The following PLCL2 variants were observed in gnomAD, a reference collection of about 807,000 sequenced individuals.
PLCL2 encodes inactive phospholipase C-like protein 2.
A neutral mutation model predicts 79.6 loss-of-function variants in PLCL2; 4 were observed. That is an observed-to-expected ratio of 0.05 (90% CI 0.02 to 0.11). The LOEUF (loss-of-function observed/expected upper bound fraction) is 0.11. Ranked by LOEUF, PLCL2 falls within the 10% of genes least tolerant of loss-of-function variation. The probability of loss-of-function intolerance (pLI) is 1.00; values close to 1 mark genes in which losing one functional copy is unlikely to be tolerated. For missense variants in PLCL2, 895 were observed against 1,291.0 expected (o/e 0.69, Z 4.70); for synonymous variants, 484 against 457.7 (o/e 1.06, Z -0.73).
At chr3:16,962,601 T>C (rs941449743) in intron 1 of PLCL2, among the ~76,000 whole-genome samples, 4 of 152,182 alleles carry the variant, frequency 2.6e-5, no homozygotes, top group Non-Finnish European at 5.9e-5. Context: ...CCCTGTGGCA[T>C]TGTCTGTTAC....
At chr3:16,953,631 TG>T (rs1553638310) in intron 1 of PLCL2, among the ~76,000 whole-genome samples, 1 of 152,202 alleles carries the variant, frequency 6.6e-6, no homozygotes, top group Non-Finnish European at 1.5e-5. Flanking sequence ...CTGACTTCAG[TG>T]AACTAATGCT....
At chr3:16,895,933 G>A (rs143248822) in intron 1 of PLCL2, among the ~76,000 whole-genome samples, 1 of 152,178 alleles carries the variant, frequency 6.6e-6, no homozygotes, top group East Asian at 1.9e-4. Flanking sequence ...TATAATAGTG[G>A]TTACACTTGG....
intron 1 of PLCL2, among the ~76,000 whole-genome samples, chr3:16,939,039 T>C (rs1421049177): frequency 1.3e-5 from 2 of 152,214 alleles, no homozygotes; most frequent in African/African-American, 4.8e-5. Context: ...CCTAGAAATA[T>C]TACTGTGAAT....
At position 16,942,784 on chromosome 3, in the gene PLCL2, C is replaced by T. The variant is rs1304171410; in HGVS notation, c.327+57418C>T. Among the ~76,000 whole-genome samples, 4 of 152,184 alleles carry T rather than the reference C, an allele frequency of 2.6e-5. No individual in the cohort carries two copies. In the South Asian group the frequency reaches 8.3e-4, roughly 31 times the overall value. On this transcript the variant is annotated intron_variant, in intron 1 of 5. Transcript: ENST00000615277. ...GAATAAAAGAAACAACTGTAAACAACACTTGTAAAAGAGAAATTAGTTATC... is the reference window on the plus strand; with the variant it reads ...GAATAAAAGAAACAACTGTAAACAATACTTGTAAAAGAGAAATTAGTTATC...
At chr3:16,982,682 C>T (rs1189184380) in intron 1 of PLCL2, among the ~76,000 whole-genome samples, 1 of 152,148 alleles carries the variant, frequency 6.6e-6, no homozygotes, top group Non-Finnish European at 1.5e-5. Context: ...TGGGATATGA[C>T]TTCCTTTTTA....
At chr3:17,044,596 T>C (rs919605467) in intron 4 of PLCL2, among the ~76,000 whole-genome samples, 3 of 152,204 alleles carry the variant, frequency 2.0e-5, no homozygotes, top group African/African-American at 4.8e-5. Flanking sequence ...AGCTGCTCTC[T>C]GTATCTTACC....
intron 1 of PLCL2, among the ~76,000 whole-genome samples, chr3:16,963,639 C>A (rs951370562): frequency 6.6e-6 from 1 of 152,096 alleles, no homozygotes; most frequent in African/African-American, 2.4e-5. Context: ...ATTTAACCCC[C>A]AGCATATACT....
At chr3:16,922,053 T>C (rs929229119) in intron 1 of PLCL2, among the ~76,000 whole-genome samples, 1 of 152,174 alleles carries the variant, frequency 6.6e-6, no homozygotes, top group Non-Finnish European at 1.5e-5. Context: ...TTTTAATCTA[T>C]GTCAGGGTAG....
intron 4 of PLCL2, among the ~76,000 whole-genome samples, chr3:17,056,986 C>T (rs1429108397): frequency 6.6e-6 from 1 of 152,098 alleles, no homozygotes; most frequent in Non-Finnish European, 1.5e-5. Context: ...ACTTTCAGTG[C>T]ACATGAAATA....
intron 3 of PLCL2, among the ~76,000 whole-genome samples, chr3:17,026,383 G>A (rs2064517652): frequency 6.6e-6 from 1 of 152,114 alleles, no homozygotes; most frequent in African/African-American, 2.4e-5. Context: ...GATGTTTAGG[G>A]CTAAATGTTA....
chr3:17,024,778 G>C (rs1252106760), intron 3 of PLCL2, among the ~76,000 whole-genome samples: 1 of 149,248 alleles, frequency 6.7e-6, no homozygotes, highest in African/African-American at 2.6e-5. Context: ...CCTTTGAGCT[G>C]GGAGCCTCCT....
chr3:17,064,608 C>G (rs116853122), intron 4 of PLCL2, among the ~76,000 whole-genome samples: 1 of 152,066 alleles, frequency 6.6e-6, no homozygotes, highest in East Asian at 1.9e-4. Flanking sequence ...GAACCCTTTT[C>G]TTAAAAAAAT....
rs184858307 is a variant in PLCL2, at chr3:16,951,833, G to T, written c.328-57841G>T. On this transcript the variant is annotated intron_variant, in intron 1 of 5. Coordinates refer to ENST00000615277, the MANE Select transcript of PLCL2 (RefSeq NM_001144382.2). ...TCTTTGAGTTGTTTAGATCTGTCAG[G>T]TAATTTGGCCTGTATGTTTTCTGTT... Among the ~76,000 whole-genome samples, 88 of 151,194 alleles carry T rather than the reference G, an allele frequency of 5.8e-4. 1 individual carries two copies. The highest frequency in any genetic ancestry group is 4.3e-3 in the Admixed American group (66 of 15,238).
chr3:16,932,107 A>G (rs1266221939), intron 1 of PLCL2, among the ~76,000 whole-genome samples: 1 of 152,156 alleles, frequency 6.6e-6, no homozygotes, highest in Non-Finnish European at 1.5e-5. Flanking sequence ...TGAGAAACAA[A>G]TTTATGTTGT....
intron 5 of PLCL2, among the ~76,000 whole-genome samples, chr3:17,079,633 C>T (rs766666063): frequency 2.0e-5 from 3 of 152,166 alleles, no homozygotes; most frequent in South Asian, 2.1e-4. Context: ...ATTCAGACAC[C>T]GCCTCCTCCG....
At chr3:17,059,028 A>G (rs988047267) in intron 4 of PLCL2, among the ~76,000 whole-genome samples, 4 of 152,188 alleles carry the variant, frequency 2.6e-5, no homozygotes, top group Admixed American at 2.0e-4. Context: ...TTCAAATTCT[A>G]TATACTTCCA....
At chr3:17,052,263 G>C (rs1048066690) in intron 4 of PLCL2, among the ~76,000 whole-genome samples, 3 of 148,624 alleles carry the variant, frequency 2.0e-5, no homozygotes, top group Non-Finnish European at 4.5e-5. Flanking sequence ...ATTGGGGGGG[G>C]GTGAAGGTCT....
chr3:16,890,806 G>T (rs1430790615), intron 1 of PLCL2, among the ~76,000 whole-genome samples: 2 of 152,214 alleles, frequency 1.3e-5, no homozygotes, highest in Non-Finnish European at 2.9e-5. Context: ...TGTCGTTTGT[G>T]ACTCAAACTG....
chr3:16,958,906 C>T (rs1401055860), intron 1 of PLCL2, among the ~76,000 whole-genome samples: 1 of 152,202 alleles, frequency 6.6e-6, no homozygotes, highest in Non-Finnish European at 1.5e-5. Flanking sequence ...TGTTGTAGAC[C>T]TTTCCCCCTA....
Sources: allele counts gnomAD v4.1 joint callset (sites outside exome capture counted in the v4.1 genomes callset), GRCh38; gene constraint gnomAD v4.1.1; transcripts MANE v1.5; gene names NCBI Gene and HGNC (gene_info 2026-07-23, HGNC 2026-07-21).